The following NSF variants were observed in gnomAD, a reference collection of about 807,000 sequenced individuals.
The protein encoded by NSF is vesicle-fusing ATPase.
In NSF, 14 loss-of-function variants were observed where a neutral mutation model predicts 50.3. That is an observed-to-expected ratio of 0.28 (90% CI 0.18 to 0.44). The LOEUF is 0.44. Ranked by LOEUF, NSF falls within the 20% of genes least tolerant of loss-of-function variation. The probability of loss-of-function intolerance (pLI) is 1.00; values close to 1 mark genes in which losing one functional copy is unlikely to be tolerated. For synonymous variants in NSF, 109 were observed against 175.7 expected (o/e 0.62, Z 3.00); for missense variants, 218 against 504.3 (o/e 0.43, Z 5.44).
intron 12 of NSF, among the ~76,000 whole-genome samples, chr17:46,703,680 C>CAAAAA (rs149212597): frequency 2.4e-3 from 78 of 32,538 alleles, no homozygotes; most frequent in Non-Finnish European, 3.5e-3. Flanking sequence ...GACTCCGTCT[C>CAAAAA]AAAAAAAAAA....
chr17:46,724,507 G>A (rs138254548), intron 15 of NSF, among the ~76,000 whole-genome samples: 179 of 152,226 alleles, frequency 1.2e-3, no homozygotes, highest in Non-Finnish European at 2.0e-3. Context: ...AGAAAGGGGT[G>A]TATTTCCCCT....
chr17:46,746,034 C>A (rs941688896), intron 17 of NSF, among the ~76,000 whole-genome samples: 10 of 152,160 alleles, frequency 6.6e-5, no homozygotes, highest in Admixed American at 3.9e-4. Context: ...CTTTCTCTGC[C>A]ACGTGTTTCT....
At chr17:46,667,579 A>C (rs1031682110) in intron 8 of NSF, among the ~76,000 whole-genome samples, 3 of 141,570 alleles carry the variant, frequency 2.1e-5, no homozygotes, top group African/African-American at 7.6e-5. Flanking sequence ...GTGAAATCTA[A>C]ATTTGAGAAC....
In NSF at chr17:46,737,952, A is replaced by G. The variant is rs145226569; in HGVS notation, c.1908+9018A>G. ...TATTATTATTATTATTATTATTATT[A>G]GAGATAGGATCTTGCTGTGTTGCCC... On this transcript the variant is annotated intron_variant, in intron 17 of 20. Transcript: ENST00000398238. Among the ~76,000 whole-genome samples, 1,091 of 139,894 alleles carry G rather than the reference A, an allele frequency of 7.8e-3. 28 individuals carry two copies. The highest frequency in any genetic ancestry group is 0.064 in the East Asian group (304 of 4,784). The allele number at this position is 139,894 out of a possible 152,430, so 91.8% of individuals were successfully genotyped here. A position where few individuals can be genotyped will look rare whatever the true frequency, so the allele number is the denominator to read the frequency against.
chr17:46,684,329 G>GTA, intron 9 of NSF, among the ~76,000 whole-genome samples: 1 of 140,764 alleles, frequency 7.1e-6, no homozygotes, highest in Middle Eastern at 3.5e-3. Context: ...TGGCTGCATG[G>GTA]TATTCCATGT....
At chr17:46,691,423 C>T (rs1468588669) in intron 9 of NSF, among the ~76,000 whole-genome samples, 2 of 113,974 alleles carry the variant, frequency 1.8e-5, no homozygotes, top group Admixed American at 9.3e-5. Context: ...GGTGAAACCC[C>T]GTCTCTACTA....
rs750545201 is a variant in NSF at position 46,755,323 on chromosome 17, G to A, written c.2167G>A (p.Glu723Lys). 2.5e-6 allele frequency: 4 copies of A among 1,613,022 alleles called. No homozygotes were observed. The African/African-American group carries it at 4.0e-5, about 16-fold the overall frequency. ...LIEMSLQMDP[E>K]YRVRKFLALL... is the part of the protein sequence containing the mutation. ...CTTCTGATGTATTTAGATGGATCCT[G>A]AATACCGTGTGAGAAAATTCTTGGC... The change falls in exon 20 of 21, where the codon GAA (glutamate) becomes AAA (lysine). Residue 723 changes from glutamate (E) to lysine (K), a missense_variant. Transcript: ENST00000398238.
chr17:46,601,279 G>GT (rs1487299764), intron 1 of NSF, among the ~76,000 whole-genome samples: 1 of 4,610 alleles, frequency 2.2e-4, no homozygotes, highest in Non-Finnish European at 4.1e-4. Flanking sequence ...ATAATTTTTC[G>GT]TTTTTTGGGG....
chr17:46,713,021 T>C (rs1017801563), intron 14 of NSF: 1 of 152,110 alleles, frequency 6.6e-6, no homozygotes, highest in African/African-American at 2.4e-5. Context: ...CCGTAAGATT[T>C]AGTGAGGATG....
intron 9 of NSF, among the ~76,000 whole-genome samples, chr17:46,690,611 CA>C (rs771047574): frequency 7.6e-5 from 7 of 91,828 alleles, no homozygotes; most frequent in African/African-American, 1.3e-4. Context: ...GACTCCGTCT[CA>C]AAAAAAAAAA....
intron 9 of NSF, among the ~76,000 whole-genome samples, chr17:46,679,941 G>T (rs534845740): frequency 6.9e-6 from 1 of 145,330 alleles, no homozygotes; most frequent in Non-Finnish European, 1.5e-5. Flanking sequence ...CCTAGGATTC[G>T]ATCTAGCAGG....
chr17:46,743,007 G>C (rs531678450), intron 17 of NSF, among the ~76,000 whole-genome samples: 55 of 152,280 alleles, frequency 3.6e-4, no homozygotes, highest in African/African-American at 1.3e-3. Context: ...TTCCTCCTCA[G>C]AAGTTGCTGC....
At position 46,694,554 on chromosome 17, in the gene NSF, T is replaced by C. The variant is rs1278560214; in HGVS notation, c.1266T>C (p.Ala422=). 1 of 1,346,770 alleles carries C rather than the reference T, an allele frequency of 7.4e-7. No individual in the cohort carries two copies. Among genetic ancestry groups the C allele is most frequent in the African/African-American group, 1.6e-5 (1 of 61,392 alleles). The allele number at this position is 1,346,770 out of a possible 1,614,324, so 83.4% of individuals were successfully genotyped here. ...ARMRGHQLLS[A]DVDIKELAVE... ...TGAGAGGGCATCAGTTACTCTCTGCTGATGTAGACATTAAAGAACTGGCCG... is the reference window on the plus strand; with the variant it reads ...TGAGAGGGCATCAGTTACTCTCTGCCGATGTAGACATTAAAGAACTGGCCG... Residue 422 remains alanine (A), a synonymous_variant, in exon 12 of 21, where the codon GCT becomes GCC. Transcript: ENST00000398238.
At chr17:46,705,263 GTCTC>G (rs527294163) in intron 13 of NSF, among the ~76,000 whole-genome samples, 28 of 119,510 alleles carry the variant, frequency 2.3e-4, no homozygotes, top group African/African-American at 4.7e-4. Flanking sequence ...ATCCTCCTCT[GTCTC>G]TCTCTCTCTC....
chr17:46,752,451 TTTA>T (rs566225224), intron 19 of NSF, among the ~76,000 whole-genome samples: 2 of 151,100 alleles, frequency 1.3e-5, no homozygotes, highest in African/African-American at 2.4e-5. Flanking sequence ...TCAGTAAACT[TTTA>T]TTATTATTAT....
At chr17:46,732,133 C>T (rs755276234) in intron 17 of NSF, among the ~76,000 whole-genome samples, 1 of 151,944 alleles carries the variant, frequency 6.6e-6, no homozygotes, top group South Asian at 2.1e-4. Context: ...GGTAAGAAAA[C>T]AAAAGTTGTG....
At chr17:46,740,909 G>A (rs995628741) in intron 17 of NSF, among the ~76,000 whole-genome samples, 4 of 151,918 alleles carry the variant, frequency 2.6e-5, no homozygotes, top group South Asian at 2.1e-4. Context: ...TGATCTGCCC[G>A]TCTCAATATC....
chr17:46,680,871 AAG>A lies in NSF; in HGVS notation c.945+6261_945+6262del, dbSNP rs1273479912. On this transcript the variant is annotated intron_variant, in intron 9 of 20. Transcript: ENST00000398238. ...AGATATTCAGGAAAATGTATAATAA[AAG>A]AGGGATTATTTCTTAAACAACCTGG... Among the ~76,000 whole-genome samples the A allele has an allele frequency of 8.0e-5, 5 of 62,166 alleles. No individual in the cohort carries two copies. The East Asian group carries it at 1.6e-3, about 20-fold the overall frequency. 40.8% of individuals were successfully genotyped at this position (62,166 alleles called of 152,430 possible).
At chr17:46,755,082 TG>T (rs1428272701) in intron 19 of NSF, among the ~76,000 whole-genome samples, 3 of 152,272 alleles carry the variant, frequency 2.0e-5, no homozygotes, top group Non-Finnish European at 4.4e-5. Context: ...CCAGCGGGCT[TG>T]GGTCTTTTGG....
Sources: allele counts gnomAD v4.1 joint callset (sites outside exome capture counted in the v4.1 genomes callset), GRCh38; gene constraint gnomAD v4.1.1; transcripts MANE v1.5; gene names NCBI Gene and HGNC (gene_info 2026-07-23, HGNC 2026-07-21).